GTF3C1: variants seen among roughly 807,000 people sequenced by gnomAD.
The protein encoded by GTF3C1 is general transcription factor IIIC subunit 1.
GTF3C1 carries 57 observed loss-of-function variants against 226.7 expected under a neutral mutation model. That is an observed-to-expected ratio of 0.25 (90% CI 0.20 to 0.31). The LOEUF is 0.31. Ranked by LOEUF, GTF3C1 falls within the 10% of genes least tolerant of loss-of-function variation. The probability of loss-of-function intolerance (pLI) is 1.00; values close to 1 mark genes in which losing one functional copy is unlikely to be tolerated. For synonymous variants in GTF3C1, 1,090 were observed against 1,084.8 expected (o/e 1.00, Z -0.09); for missense variants, 2,217 against 2,776.1 (o/e 0.80, Z 4.53).
At chr16:27,515,666 G>A (rs904048343) in intron 6 of GTF3C1, among the ~76,000 whole-genome samples, 4 of 152,144 alleles carry the variant, frequency 2.6e-5, no homozygotes, top group Admixed American at 2.6e-4. Context: ...TCCATCTCAA[G>A]TTCCATAGCT....
chr16:27,538,550 G>C (rs2089035174), intron 2 of GTF3C1, among the ~76,000 whole-genome samples, 194 bp from the exon 3 acceptor site: 1 of 152,298 alleles, frequency 6.6e-6, no homozygotes, highest in South Asian at 2.1e-4. Flanking sequence ...AATAATAAAA[G>C]TAGTGTAGTG....
intron 6 of GTF3C1, among the ~76,000 whole-genome samples, chr16:27,516,582 C>T (rs2088662011): frequency 6.6e-6 from 1 of 152,262 alleles, no homozygotes; most frequent in South Asian, 2.1e-4. Flanking sequence ...TCTGGCTCTG[C>T]TCTTTCACAA....
intron 2 of GTF3C1, among the ~76,000 whole-genome samples, chr16:27,543,075 C>T (rs912901670): frequency 2.0e-5 from 3 of 152,106 alleles, no homozygotes; most frequent in Admixed American, 2.0e-4. Context: ...AGACAAAGAG[C>T]CTTTAGAAGC....
Position 27,470,950 on chromosome 16 carries a change from T to C in GTF3C1, c.4527-555A>G, listed in dbSNP as rs1280267647. The stretch of plus-strand genomic sequence containing the variant: ...ATGGGGACATGCGGTCAGAGCAGTG[T>C]CTCCGTGACAAATGGCCTTGTTGGA... On this transcript the variant is annotated intron_variant, in intron 30 of 36. Transcript: ENST00000356183. The surrounding 1 kb of genome is among the most constrained non-coding windows in gnomAD (Gnocchi z 4.9). Among the ~76,000 whole-genome samples, 1 of 152,228 alleles carries C rather than the reference T, an allele frequency of 6.6e-6. No homozygotes were observed. Among genetic ancestry groups the C allele is most frequent in the African/African-American group, 2.4e-5 (1 of 41,456 alleles).
chr16:27,548,559 C>T (rs556023496), intron 1 of GTF3C1, among the ~76,000 whole-genome samples: 2 of 152,324 alleles, frequency 1.3e-5, no homozygotes, highest in East Asian at 3.9e-4. Flanking sequence ...GCTGCTGCAC[C>T]CGGCCTGTCT....
At chr16:27,547,936 G>C (rs1477811297) in intron 1 of GTF3C1, among the ~76,000 whole-genome samples, 2 of 152,102 alleles carry the variant, frequency 1.3e-5, no homozygotes, top group Non-Finnish European at 2.9e-5. Context: ...TAAAAGACTT[G>C]ATTCCAGTCC....
intron 2 of GTF3C1, among the ~76,000 whole-genome samples, chr16:27,539,731 A>G (rs894848921): frequency 6.6e-6 from 1 of 152,202 alleles, no homozygotes; most frequent in Non-Finnish European, 1.5e-5. Context: ...TTAGGCCATG[A>G]CAGTTCTGTT....
rs2087713820 is a variant in GTF3C1, at chr16:27,462,087, C to T, written c.6117+207G>A. The T allele has an allele frequency of 3.5e-6, 2 of 577,754 alleles. No individual in the cohort carries two copies. The highest frequency in any genetic ancestry group is 6.2e-6 in the Non-Finnish European group (2 of 323,560). 35.8% of individuals were successfully genotyped at this position (577,754 alleles called of 1,614,324 possible). ...TCAGAGACAAGCACCCCGGGCACCC[C>T]ATCTTCCAGCCTGGTCAGCAGCATG... On this transcript the variant is annotated intron_variant, in intron 36 of 36. Coordinates refer to ENST00000356183, the MANE Select transcript of GTF3C1 (RefSeq NM_001520.4). The surrounding 1 kb of genome is among the most constrained non-coding windows in gnomAD (Gnocchi z 4.5).
At position 27,471,001 on chromosome 16, in the gene GTF3C1, CACCT is replaced by C. The variant is rs1187369740; in HGVS notation, c.4527-610_4527-607del. On this transcript the variant is annotated intron_variant, in intron 30 of 36. Transcript: ENST00000356183. The surrounding 1 kb of genome is among the most constrained non-coding windows in gnomAD (Gnocchi z 5.0). Reference sequence around the variant, plus strand: ...TTTGGGCACGTATCTTCTGCTGCCACACCTACTTCCCAGAGGCCTGAGGGTCATT... The same window carrying C: ...TTTGGGCACGTATCTTCTGCTGCCACACTTCCCAGAGGCCTGAGGGTCATT... Among the ~76,000 whole-genome samples, 1 of 152,252 alleles carries C rather than the reference CACCT, an allele frequency of 6.6e-6. No homozygotes were observed. Among genetic ancestry groups the C allele is most frequent in the East Asian group, 1.9e-4 (1 of 5,200 alleles).
rs368155594 is a variant in GTF3C1 at position 27,464,667 on chromosome 16, C to G, written c.5525G>C (p.Ser1842Thr). 6 of 1,549,782 alleles carry G rather than the reference C, an allele frequency of 3.9e-6. No individual in the cohort carries two copies. The African/African-American group carries it at 8.4e-5, about 22-fold the overall frequency. ...PQARPLEGSS[S>T]EDSPPEGQAP... ...CTGCCCCTCGGGGGGGCTGTCCTCA[C>G]TGGAAGACCCCTCCAGGGGTCTGGC... Residue 1842 changes from serine (S) to threonine (T), a missense_variant, in exon 34 of 37, where the codon AGT becomes ACT. This residue lies in a region of GTF3C1 where 455 missense variants were observed against 441.9 expected (regional missense o/e 1.03). Coordinates refer to ENST00000356183, the MANE Select transcript of GTF3C1 (RefSeq NM_001520.4).
intron 11 of GTF3C1, 108 bp from the exon 12 acceptor site, chr16:27,501,452 G>T: frequency 4.1e-6 from 4 of 975,170 alleles, no homozygotes; most frequent in Non-Finnish European, 4.7e-6. Flanking sequence ...AAACAAGGAA[G>T]GATCAAACGG....
intron 22 of GTF3C1, 66 bp downstream of exon 22, chr16:27,488,488 G>C: frequency 6.5e-7 from 1 of 1,548,842 alleles, no homozygotes; most frequent in Non-Finnish European, 8.9e-7. Context: ...ACCGAACATA[G>C]GGTAGTCGTT....
Position 27,497,840 on chromosome 16 carries a change from T to C in GTF3C1, c.2166-19A>G. ...TTTAACCCTGCAGTTCAAATAAACA[T>C]GCAATAATGTACTGAGAAAATCAAG... On this transcript the variant is annotated intron_variant, in intron 13 of 36. Coordinates refer to ENST00000356183, the MANE Select transcript of GTF3C1 (RefSeq NM_001520.4). The C allele has an allele frequency of 6.3e-7, 1 of 1,595,442 alleles. No individual in the cohort carries two copies. The highest frequency in any genetic ancestry group is 8.6e-7 in the Non-Finnish European group (1 of 1,166,348).
intron 6 of GTF3C1, among the ~76,000 whole-genome samples, chr16:27,518,256 A>C (rs1259426753): frequency 6.6e-6 from 1 of 152,058 alleles, no homozygotes; most frequent in Non-Finnish European, 1.5e-5. Context: ...ACACTGAATG[A>C]CGGAGGTGGG....
chr16:27,465,585 C>A, intron 32 of GTF3C1, 45 bp from the exon 33 acceptor site: 1 of 1,501,784 alleles, frequency 6.7e-7, no homozygotes. Flanking sequence ...GACAGAGGCC[C>A]CCCTCCCCTG....
chr16:27,502,778 G>T, intron 11 of GTF3C1, 81 bp downstream of exon 11: 1 of 1,414,710 alleles, frequency 7.1e-7, no homozygotes. Flanking sequence ...CCTCAGTGGT[G>T]TCCATGGCTT....
Position 27,549,683 on chromosome 16 carries a change from G to A in GTF3C1, c.208C>T (p.Gln70Ter). The change falls in exon 1 of 37, where the codon CAG becomes TAG. Residue 70 changes from glutamine to a stop codon, truncating the protein, a stop_gained. Transcript: ENST00000356183. LOFTEE classifies it high-confidence loss of function. Reference protein sequence around the residue: ...YEEPRERPDLQLQDRYEEIDL... With the variant: ...YEEPRERPDL ...CCGCCCGCTGACCGGTCCTGGAGCT[G>A]TAGGTCGGGTCGCTCCCGAGGCTCC... The A allele has an allele frequency of 1.3e-6, 2 of 1,577,136 alleles. No individual in the cohort carries two copies. The highest frequency in any genetic ancestry group is 1.7e-6 in the Non-Finnish European group (2 of 1,162,506).
At chr16:27,466,907 T>G (rs1276508658) in intron 32 of GTF3C1, among the ~76,000 whole-genome samples, 1 of 151,946 alleles carries the variant, frequency 6.6e-6, no homozygotes, top group Non-Finnish European at 1.5e-5. Context: ...CTGAGAAAGG[T>G]GAGGAAGATG....
intron 14 of GTF3C1, 101 bp from the exon 15 acceptor site, chr16:27,495,593 A>G (rs2088304464): frequency 2.9e-6 from 3 of 1,052,494 alleles, no homozygotes; most frequent in Non-Finnish European, 4.2e-6. Flanking sequence ...GCCAGGGGCC[A>G]GAAAGATGGC....
Sources: gnomAD v4.1 joint callset for allele counts (sites outside exome capture counted in the v4.1 genomes callset) on GRCh38, gnomAD v4.1.1 for gene constraint, gnomAD v4.1.1 regional missense constraint, Gnocchi (gnomAD v3.1) non-coding constraint, MANE v1.5 for transcripts, NCBI Gene and HGNC (gene_info 2026-07-23, HGNC 2026-07-21) for gene names.